Variants in DCDC2C observed in about 807,000 individuals in gnomAD.
The protein encoded by DCDC2C is doublecortin domain containing 2C.
A neutral mutation model predicts 45.0 loss-of-function variants in DCDC2C; 44 were observed. The observed-to-expected ratio is 0.98, with a 90% CI of 0.77 to 1.26. The LOEUF is 1.26. DCDC2C is among the 50% of genes most tolerant of loss of function. The pLI is 0.00. For missense variants in DCDC2C, 447 were observed against 468.9 expected (o/e 0.95, Z 0.43); for synonymous variants, 187 against 178.8 (o/e 1.05, Z -0.37).
chr2:3,794,214 A>C (rs1670895935), intron 10 of DCDC2C, among the ~76,000 whole-genome samples: 1 of 152,240 alleles, frequency 6.6e-6, no homozygotes, highest in African/African-American at 2.4e-5. Context: ...GAGTTATGCA[A>C]ATGTATGACA....
intron 10 of DCDC2C, among the ~76,000 whole-genome samples, chr2:3,845,607 A>G (rs1269033510): frequency 6.6e-6 from 1 of 152,246 alleles, no homozygotes; most frequent in Admixed American, 6.5e-5. Flanking sequence ...ATCAAATAGG[A>G]ACCATTGCCA....
chr2:3,713,860 G>C (rs1251077325), intron 2 of DCDC2C, among the ~76,000 whole-genome samples: 1 of 152,192 alleles, frequency 6.6e-6, no homozygotes, highest in African/African-American at 2.4e-5. Flanking sequence ...TAAGTAGTTA[G>C]TGCTATTATT....
At chr2:3,837,294 A>G (rs1221918028) in intron 10 of DCDC2C, among the ~76,000 whole-genome samples, 2 of 152,252 alleles carry the variant, frequency 1.3e-5, no homozygotes, top group Non-Finnish European at 2.9e-5. Context: ...GATCAGGCAA[A>G]GTGAGAGCTG....
rs910133459 is a variant in DCDC2C at position 3,847,134 on chromosome 2, T to A, written c.1066-20T>A. 2.4e-6 allele frequency: 3 copies of A among 1,226,008 alleles called. No homozygotes were observed. The African/African-American group carries it at 4.7e-5, about 19-fold the overall frequency. The allele number at this position is 1,226,008 out of a possible 1,614,324, so 75.9% of individuals were successfully genotyped here. A position where few individuals can be genotyped will look rare whatever the true frequency, so the allele number is the denominator to read the frequency against. ...AGCTTGAAGATGTTCTCTGTTAACC[T>A]GCTTTTCTATGTCTTCCAGATGGCC... is the stretch of plus-strand genomic sequence containing the variant. On this transcript the variant is annotated intron_variant, in intron 10 of 10. Transcript: ENST00000399143.
At chr2:3,771,935 G>A (rs151223683) in intron 8 of DCDC2C, among the ~76,000 whole-genome samples, 37 of 152,316 alleles carry the variant, frequency 2.4e-4, no homozygotes, top group Admixed American at 5.2e-4. Flanking sequence ...CTAATATTAT[G>A]CCTTCATGGT....
intron 10 of DCDC2C, among the ~76,000 whole-genome samples, chr2:3,816,411 C>T (rs1572638337): frequency 6.6e-6 from 1 of 152,202 alleles, no homozygotes; most frequent in South Asian, 2.1e-4. Flanking sequence ...GTAAAAACAA[C>T]ACTCTTTATT....
At chr2:3,791,444 C>G (rs1035096489) in intron 10 of DCDC2C, among the ~76,000 whole-genome samples, 2 of 152,062 alleles carry the variant, frequency 1.3e-5, no homozygotes, top group Non-Finnish European at 2.9e-5. Flanking sequence ...GTTGTATTCA[C>G]GACAATTTTA....
chr2:3,836,834 C>A (rs1440620813), intron 10 of DCDC2C, among the ~76,000 whole-genome samples: 1 of 148,984 alleles, frequency 6.7e-6, no homozygotes, highest in African/African-American at 2.5e-5. Flanking sequence ...TGCACTCCAG[C>A]CTGGGCGACA....
intron 4 of DCDC2C, among the ~76,000 whole-genome samples, chr2:3,743,499 G>A (rs1279339279): frequency 6.6e-6 from 1 of 152,120 alleles, no homozygotes; most frequent in Non-Finnish European, 1.5e-5. Flanking sequence ...ATCATATTAG[G>A]CCACAAATCA....
At chr2:3,777,759 G>A (rs542258877) in intron 8 of DCDC2C, among the ~76,000 whole-genome samples, 28 of 152,274 alleles carry the variant, frequency 1.8e-4, no homozygotes, top group Admixed American at 7.2e-4. Flanking sequence ...CGTCTGCCTC[G>A]CCACGGAACA....
intron 2 of DCDC2C, among the ~76,000 whole-genome samples, chr2:3,718,563 C>T (rs1276603193): frequency 1.3e-5 from 2 of 152,182 alleles, no homozygotes; most frequent in African/African-American, 4.8e-5. Context: ...TGGGACATGC[C>T]TGGCTGATGC....
chr2:3,716,323 T>G (rs1668348419), intron 2 of DCDC2C, among the ~76,000 whole-genome samples: 2 of 151,856 alleles, frequency 1.3e-5, no homozygotes, highest in Admixed American at 1.3e-4. Flanking sequence ...TGCTGGGTGA[T>G]GAGAGACAGG....
intron 9 of DCDC2C, among the ~76,000 whole-genome samples, chr2:3,780,261 A>C (rs1670473418): frequency 6.6e-6 from 1 of 152,088 alleles, no homozygotes. Flanking sequence ...CCTCAAGGAG[A>C]GGGTGCTCTT....
rs1558564604 is a variant in DCDC2C, at chr2:3,725,508, GCCCGGTGGATCCCA to G, written c.340-1494_340-1481del. On this transcript the variant is annotated intron_variant, in intron 2 of 10. Transcript: ENST00000399143. ...AAGACGAGCAGAGAGGGAGGAGGCT[GCCCGGTGGATCCCA>G]GAGGAAGACGAGCAGAGAGGGAGGA... 8.6e-4 allele frequency among the ~76,000 whole-genome samples: 78 copies of G among 90,952 alleles called. 1 individual carries two copies. The highest frequency in any genetic ancestry group is 5.0e-3 in the East Asian group (15 of 3,028). The allele number at this position is 90,952 out of a possible 152,430, so 59.7% of individuals were successfully genotyped here. A position where few individuals can be genotyped will look rare whatever the true frequency, so the allele number is the denominator to read the frequency against.
In DCDC2C at chr2:3,767,859, C is replaced by T. The variant is rs1210483672; in HGVS notation, c.832C>T (p.Pro278Ser). ...AGAAAAGAAGAAAACATTGGCAGAA[C>T]CTTTAGTCCAAAGGGGTGCAGGTGA... Reference protein sequence around the residue: ...KEEKKKTLAEPLVQRGAEGDV... With the variant: ...KEEKKKTLAESLVQRGAEGDV... Residue 278 changes from proline (P) to serine (S), a missense_variant, in exon 7 of 11, where the codon CCT becomes TCT. Transcript: ENST00000399143. 3 of 1,538,382 alleles carry T rather than the reference C, an allele frequency of 2.0e-6. No homozygotes were observed. In the South Asian group the frequency reaches 3.7e-5, roughly 19 times the overall value.
intron 3 of DCDC2C, among the ~76,000 whole-genome samples, chr2:3,739,464 G>GACGTCGGGAGGAGC (rs1199253004): frequency 6.6e-6 from 1 of 152,192 alleles, no homozygotes; most frequent in Non-Finnish European, 1.5e-5. Context: ...GAAATGGCTG[G>GACGTCGGGAGGAGC]ACGTCGGGAG....
intron 2 of DCDC2C, among the ~76,000 whole-genome samples, chr2:3,716,354 G>A (rs73910341): frequency 0.013 from 1,938 of 152,208 alleles, 33 homozygotes; most frequent in African/African-American, 0.044. Flanking sequence ...TGTGTCAAAC[G>A]CTGCTGACCA....
chr2:3,809,679 C>T (rs565653256), intron 10 of DCDC2C, among the ~76,000 whole-genome samples: 4 of 152,218 alleles, frequency 2.6e-5, no homozygotes, highest in African/African-American at 9.6e-5. Flanking sequence ...GTTTGTTACA[C>T]AGGTATACAT....
intron 4 of DCDC2C, 189 bp from the exon 5 acceptor site, chr2:3,752,574 C>A: frequency 1.4e-6 from 1 of 710,720 alleles, no homozygotes; most frequent in Non-Finnish European, 2.5e-6. Context: ...AAGTGGAAAG[C>A]AAGTCTAATC....
Sources: allele counts gnomAD v4.1 joint callset (sites outside exome capture counted in the v4.1 genomes callset), GRCh38; gene constraint gnomAD v4.1.1; transcripts MANE v1.5; gene names NCBI Gene and HGNC (gene_info 2026-07-23, HGNC 2026-07-21).